HK1: variants seen among roughly 807,000 people sequenced by gnomAD.
The protein encoded by HK1 is hexokinase-1.
A neutral mutation model predicts 91.6 loss-of-function variants in HK1; 28 were observed. That is an observed-to-expected ratio of 0.31 (90% CI 0.23 to 0.42). The LOEUF (loss-of-function observed/expected upper bound fraction) is 0.42, where lower values mean the gene tolerates loss of function less well. Ranked by LOEUF, HK1 falls within the 10% of genes least tolerant of loss-of-function variation. HK1 has a pLI of 1.00. For missense variants in HK1, 770 were observed against 1,219.8 expected, an observed-to-expected ratio of 0.63 and a Z score of 5.49; for synonymous variants, 430 against 468.1, an observed-to-expected ratio of 0.92 and a Z score of 1.05.
chr10:69,319,917 A>C (rs79753049), intron 1 of HK1, among the ~76,000 whole-genome samples: 6,060 of 151,780 alleles, frequency 0.04, 205 homozygotes, highest in African/African-American at 0.096. Context: ...CAGGTCTGGT[A>C]CAGGCTCCAG....
upstream of HK1, among the ~76,000 whole-genome samples, chr10:69,310,866 G>C (rs1476100927): frequency 6.6e-6 from 1 of 152,180 alleles, no homozygotes; most frequent in Non-Finnish European, 1.5e-5. Flanking sequence ...AGACCAGCCT[G>C]GCCAAAATGG....
upstream of HK1, among the ~76,000 whole-genome samples, chr10:69,313,380 C>A (rs10823340): frequency 2.0e-5 from 3 of 151,964 alleles, no homozygotes; most frequent in Admixed American, 6.6e-5. Context: ...GCCATGATGA[C>A]CACGTTGCCA....
At chr10:69,277,416 A>G (rs1424888453) in intron 1 of HK1, among the ~76,000 whole-genome samples, 1 of 151,954 alleles carries the variant, frequency 6.6e-6, no homozygotes, top group Non-Finnish European at 1.5e-5. Flanking sequence ...AAAAATACAA[A>G]AATTAGCCAG....
At chr10:69,324,827 A>C (rs948918683) in intron 1 of HK1, among the ~76,000 whole-genome samples, 3 of 152,172 alleles carry the variant, frequency 2.0e-5, no homozygotes, top group African/African-American at 7.2e-5. Context: ...CTTCTGGCCT[A>C]ATAAACCTTA....
chr10:69,353,464 G>T (rs941114805), intron 2 of HK1, among the ~76,000 whole-genome samples: 1 of 152,026 alleles, frequency 6.6e-6, no homozygotes, highest in African/African-American at 2.4e-5. Flanking sequence ...GTGGTGGCAC[G>T]TGCCGGTAGT....
chr10:69,312,381 C>CT (rs1846417964), upstream of HK1, among the ~76,000 whole-genome samples: 1 of 152,040 alleles, frequency 6.6e-6, no homozygotes, highest in African/African-American at 2.4e-5. Context: ...GGATTACAGG[C>CT]TTGCACCACC....
rs532654101 is a variant in HK1 at position 69,393,589 on chromosome 10, G to T, written c.2219+1281G>T. On this transcript the variant is annotated intron_variant, in intron 15 of 17. Coordinates refer to ENST00000359426, the MANE Select transcript of HK1 (RefSeq NM_000188.3). ...TGGGATTATAGGCGTGAGCCACCGT[G>T]CCCAGTGGCCTTTAAGGTCTTTACT... 3.9e-5 allele frequency among the ~76,000 whole-genome samples: 6 copies of T among 152,368 alleles called. No individual in the cohort carries two copies. In the East Asian group the frequency reaches 7.7e-4, roughly 20 times the overall value.
At chr10:69,366,514 A>G (rs1195996862) in intron 4 of HK1, among the ~76,000 whole-genome samples, 2 of 152,134 alleles carry the variant, frequency 1.3e-5, no homozygotes, top group Non-Finnish European at 2.9e-5. Flanking sequence ...CCCCAGGGTC[A>G]CAGGGCTTAT....
intron 3 of HK1, among the ~76,000 whole-genome samples, chr10:69,289,448 A>G (rs1845183617): frequency 1.4e-5 from 2 of 143,842 alleles, no homozygotes; most frequent in African/African-American, 2.6e-5. Context: ...GCTTCTGCCC[A>G]TTAAAAAAAA....
chr10:69,274,520 C>T (rs953318149), intron 1 of HK1, among the ~76,000 whole-genome samples: 1 of 151,714 alleles, frequency 6.6e-6, no homozygotes, highest in East Asian at 1.9e-4. Flanking sequence ...ATTGCTTGAA[C>T]TCAGGAGGCA....
chr10:69,350,183 C>T (rs1203862578), intron 2 of HK1, among the ~76,000 whole-genome samples: 2 of 152,146 alleles, frequency 1.3e-5, no homozygotes, highest in African/African-American at 2.4e-5. Context: ...GAACCAATCA[C>T]GATGGACAAG....
intron 1 of HK1, 113 bp downstream of exon 1, chr10:69,319,123 T>C: frequency 2.3e-6 from 3 of 1,277,368 alleles, no homozygotes; most frequent in Non-Finnish European, 3.3e-6. Context: ...CGGGCCAGCA[T>C]CGAGTTGGAC....
At chr10:69,392,373 C>T (rs1326225262) in intron 15 of HK1, 65 bp downstream of exon 15, 13 of 1,555,446 alleles carry the variant, frequency 8.4e-6, no homozygotes, top group Non-Finnish European at 1.2e-5. Flanking sequence ...CTGCATTCTG[C>T]CACTTGCAGT....
At chr10:69,332,863 G>A (rs935719460) in intron 1 of HK1, among the ~76,000 whole-genome samples, 2 of 152,094 alleles carry the variant, frequency 1.3e-5, no homozygotes, top group Non-Finnish European at 2.9e-5. Context: ...AGTGGAGGAC[G>A]GCAGCTTCCT....
At chr10:69,299,097 G>A (rs1433800018) in intron 4 of HK1, among the ~76,000 whole-genome samples, 1 of 151,328 alleles carries the variant, frequency 6.6e-6, no homozygotes, top group East Asian at 1.9e-4. Flanking sequence ...GCGCCACCAT[G>A]CCCGACCTAT....
chr10:69,378,055 T>G (rs542343114), intron 8 of HK1, among the ~76,000 whole-genome samples: 39 of 152,210 alleles, frequency 2.6e-4, no homozygotes, highest in Non-Finnish European at 4.1e-4. Context: ...CCAACTCTTC[T>G]GCCAAATCCA....
intron 2 of HK1, among the ~76,000 whole-genome samples, chr10:69,283,645 G>A (rs187280082): frequency 2.5e-4 from 38 of 151,076 alleles, no homozygotes; most frequent in African/African-American, 8.7e-4. Flanking sequence ...GCCAGGCATG[G>A]TGGCAGGCAA....
intron 1 of HK1, among the ~76,000 whole-genome samples, chr10:69,328,816 G>C (rs1589492702): frequency 2.0e-5 from 3 of 151,914 alleles, no homozygotes; most frequent in African/African-American, 7.2e-5. Flanking sequence ...CCTCCACCTA[G>C]CTTCTGGCAA....
upstream of HK1, chr10:69,318,112 G>A (rs1846746536): frequency 1.0e-6 from 1 of 985,326 alleles, no homozygotes; most frequent in Admixed American, 6.1e-5. Flanking sequence ...GAGAGCCACC[G>A]GAGCTGGTGA....
Sources: allele counts gnomAD v4.1 joint callset (sites outside exome capture counted in the v4.1 genomes callset), GRCh38; gene constraint gnomAD v4.1.1; transcripts MANE v1.5; gene names NCBI Gene and HGNC (gene_info 2026-07-23, HGNC 2026-07-21).